SEPTIN2: variants seen among roughly 807,000 people sequenced by gnomAD.
The protein encoded by SEPTIN2 is septin-2.
SEPTIN2 carries 34 observed loss-of-function variants against 46.5 expected under a neutral mutation model. The observed-to-expected ratio is 0.73, with a 90% CI of 0.56 to 0.97. The LOEUF (loss-of-function observed/expected upper bound fraction) is 0.97. Ranked by LOEUF, SEPTIN2 falls within the 50% of genes least tolerant of loss-of-function variation. The pLI is 0.00. For missense variants in SEPTIN2, 347 were observed against 448.4 expected (o/e 0.77, Z 2.04); for synonymous variants, 175 against 153.4 (o/e 1.14, Z -1.04).
At chr2:241,330,832 T>C (rs1053289021) in intron 3 of SEPTIN2, among the ~76,000 whole-genome samples, 2 of 152,182 alleles carry the variant, frequency 1.3e-5, no homozygotes, top group Non-Finnish European at 2.9e-5. Context: ...AGGAAGATGA[T>C]GTTAGCTGAA....
intron 7 of SEPTIN2, among the ~76,000 whole-genome samples, chr2:241,339,406 A>C (rs2080947616): frequency 1.3e-5 from 2 of 151,930 alleles, no homozygotes; most frequent in African/African-American, 2.4e-5. Context: ...GTAATTACCC[A>C]CAGAAAGAAC....
chr2:241,343,841 T>G lies in SEPTIN2; in HGVS notation c.786T>G (p.Val262=), dbSNP rs1478397519. The change falls in exon 9 of 13, where the codon GTT becomes GTG. Residue 262 remains valine (V), a synonymous_variant. Transcript: ENST00000391971. ...KVRGRLYPWG[V]VEVENPEHND... is the part of the protein sequence containing the mutation. Reference sequence around the variant, plus strand: ...GAGGCCGCCTCTACCCCTGGGGTGTTGTGGAAGTGGAGAACCCAGAGCACA... The same window carrying G: ...GAGGCCGCCTCTACCCCTGGGGTGTGGTGGAAGTGGAGAACCCAGAGCACA... 1.2e-6 allele frequency: 2 copies of G among 1,614,198 alleles called. No individual in the cohort carries two copies. The highest frequency in any genetic ancestry group is 8.5e-7 in the Non-Finnish European group (1 of 1,180,030).
rs763401725 is a variant in SEPTIN2 at position 241,336,131 on chromosome 2, G to C, written c.341+33G>C. 7 of 1,606,812 alleles carry C rather than the reference G, an allele frequency of 4.4e-6. No homozygotes were observed. The South Asian group carries it at 6.6e-5, about 15-fold the overall frequency. On this transcript the variant is annotated intron_variant, in intron 5 of 12. Transcript: ENST00000391971. ...CCCCCATGCCCAGGGATCTGCATTTGTTTACTTAATATACTTCATAAATTT... is the reference window on the plus strand; with the variant it reads ...CCCCCATGCCCAGGGATCTGCATTTCTTTACTTAATATACTTCATAAATTT...
chr2:241,337,197 G>A, intron 5 of SEPTIN2, 185 bp from the exon 6 acceptor site: 1 of 576,076 alleles, frequency 1.7e-6, no homozygotes, highest in Non-Finnish European at 3.0e-6. Context: ...CTTAGGGGCA[G>A]TTATGCTTGG....
chr2:241,352,757 A>T lies in SEPTIN2; in HGVS notation c.*820A>T, dbSNP rs1167366800. On this transcript the variant is annotated 3_prime_UTR_variant, in exon 13 of 13. Coordinates refer to ENST00000391971, the MANE Select transcript of SEPTIN2 (RefSeq NM_004404.5). The stretch of plus-strand genomic sequence containing the variant: ...CATAAGCTCCAGTTTTCGTATTGCA[A>T]ATAAGACTCTTACCTACAAAATGAG... 6.6e-6 allele frequency: 1 copy of T among 152,256 alleles called. No individual in the cohort carries two copies. The highest frequency in any genetic ancestry group is 2.4e-5 in the African/African-American group (1 of 41,466). The allele number at this position is 152,256 out of a possible 1,614,324, so 9.4% of individuals were successfully genotyped here.
intron 1 of SEPTIN2, chr2:241,317,536 T>A (rs1200503652): frequency 7.3e-6 from 1 of 136,644 alleles, no homozygotes; most frequent in South Asian, 2.4e-4. Flanking sequence ...GTTGTGGGTA[T>A]TTTTTTTTTT....
At chr2:241,346,657 G>A (rs951708310) in intron 10 of SEPTIN2, 4 of 153,040 alleles carry the variant, frequency 2.6e-5, no homozygotes, top group Non-Finnish European at 4.4e-5. Flanking sequence ...CTACTCGGGA[G>A]GCTGAGTTGG....
chr2:241,336,564 C>T (rs2080029015), intron 5 of SEPTIN2, among the ~76,000 whole-genome samples: 3 of 152,226 alleles, frequency 2.0e-5, no homozygotes, highest in African/African-American at 4.8e-5. Context: ...TACAAACTCC[C>T]TCCTGGTTCT....
chr2:241,342,830 C>T (rs1011104404), intron 7 of SEPTIN2, among the ~76,000 whole-genome samples, 162 bp from the exon 8 acceptor site: 5 of 152,076 alleles, frequency 3.3e-5, no homozygotes, highest in Non-Finnish European at 7.4e-5. Flanking sequence ...GCCACCACAC[C>T]CGGCCGCAGT....
chr2:241,340,619 C>T (rs1007698095), intron 7 of SEPTIN2, among the ~76,000 whole-genome samples: 1 of 152,168 alleles, frequency 6.6e-6, no homozygotes, highest in Non-Finnish European at 1.5e-5. Flanking sequence ...TATTAAATTT[C>T]TTTGAGGTAG....
At chr2:241,350,455 G>A (rs947993477) in intron 12 of SEPTIN2, among the ~76,000 whole-genome samples, 20 of 151,252 alleles carry the variant, frequency 1.3e-4, no homozygotes, top group African/African-American at 4.9e-4. Flanking sequence ...ATTTTATTGG[G>A]GTACATTTGC....
intron 1 of SEPTIN2, chr2:241,316,185 C>G: frequency 3.5e-6 from 1 of 285,668 alleles, no homozygotes; most frequent in Non-Finnish European, 6.6e-6. Flanking sequence ...GTCCTAGTGC[C>G]GGCGACAGTG....
At chr2:241,322,168 G>A (rs974702437) in intron 1 of SEPTIN2, among the ~76,000 whole-genome samples, 2 of 152,100 alleles carry the variant, frequency 1.3e-5, no homozygotes, top group African/African-American at 2.4e-5. Flanking sequence ...GAGGCAAAGT[G>A]AGAGAAGCTT....
intron 1 of SEPTIN2, among the ~76,000 whole-genome samples, chr2:241,322,988 G>T (rs908943156): frequency 4.6e-5 from 7 of 150,942 alleles, no homozygotes; most frequent in African/African-American, 1.7e-4. Flanking sequence ...GAATATGTGC[G>T]TACATATATA....
chr2:241,336,635 A>C (rs1159319112), intron 5 of SEPTIN2: 1 of 166,928 alleles, frequency 6.0e-6, no homozygotes, highest in African/African-American at 2.4e-5. Flanking sequence ...AGGTTCTGTT[A>C]TCTTTCTCCT....
chr2:241,338,860 A>AAATATAT, intron 7 of SEPTIN2, among the ~76,000 whole-genome samples: 1 of 90,238 alleles, frequency 1.1e-5, no homozygotes, highest in Non-Finnish European at 1.9e-5. Flanking sequence ...ATATATATAA[A>AAATATAT]AATATATATA....
chr2:241,349,123 G>T (rs538734133), intron 11 of SEPTIN2, among the ~76,000 whole-genome samples: 1 of 152,216 alleles, frequency 6.6e-6, no homozygotes, highest in Non-Finnish European at 1.5e-5. Flanking sequence ...ACTTTAGGAG[G>T]CCAAGGTGGG....
intron 1 of SEPTIN2, chr2:241,317,440 G>A (rs891632831): frequency 2.3e-5 from 15 of 654,778 alleles, no homozygotes; most frequent in Non-Finnish European, 2.8e-5. Context: ...AAAGGGGCCA[G>A]GGTTTCCCTC....
upstream of SEPTIN2, chr2:241,315,379 G>A (rs1449651790): frequency 6.6e-6 from 1 of 152,036 alleles, no homozygotes; most frequent in East Asian, 2.0e-4. Flanking sequence ...CCCCAGCTCG[G>A]TGCTGCCGCC....
Sources: gnomAD v4.1 joint callset for allele counts (sites outside exome capture counted in the v4.1 genomes callset) on GRCh38, gnomAD v4.1.1 for gene constraint, MANE v1.5 for transcripts, NCBI Gene and HGNC (gene_info 2026-07-23, HGNC 2026-07-21) for gene names.